The following CLCN5 variants were observed in gnomAD, a reference collection of about 807,000 sequenced individuals.
CLCN5 encodes the protein H(+)/Cl(-) exchange transporter 5.
A neutral mutation model predicts 54.0 loss-of-function variants in CLCN5; 17 were observed. The ratio of observed to expected loss-of-function variants is 0.31; its 90% CI spans 0.22 to 0.47. The LOEUF is 0.47. Among genes scored for constraint, CLCN5 ranks in the 20% least tolerant of loss-of-function variants. CLCN5 has a pLI of 1.00. For missense variants in CLCN5, 448 were observed against 646.7 expected, an observed-to-expected ratio of 0.69 and a Z score of 3.33; for synonymous variants, 222 against 233.0, an observed-to-expected ratio of 0.95 and a Z score of 0.43.
At chrX:50,081,076 A>G (rs782353055) in intron 8 of CLCN5, among the ~76,000 whole-genome samples, 7 of 111,780 alleles carry the variant, frequency 6.3e-5, no homozygotes, top group Middle Eastern at 4.2e-3. Flanking sequence ...CTTTCCCACA[A>G]TATGATTTAG....
chrX:49,972,158 T>TAC (rs1200017997), intron 3 of CLCN5, among the ~76,000 whole-genome samples: 1 of 103,516 alleles, frequency 9.7e-6, no homozygotes, highest in Non-Finnish European at 2.0e-5. Flanking sequence ...TGTGTGTGTG[T>TAC]GTACATATTT....
intron 3 of CLCN5, among the ~76,000 whole-genome samples, chrX:50,039,779 G>A (rs998541579): frequency 9.1e-6 from 1 of 109,532 alleles, no homozygotes; most frequent in African/African-American, 3.3e-5. Flanking sequence ...TGCAACCTCC[G>A]CCTCCCGGTT....
intron 3 of CLCN5, among the ~76,000 whole-genome samples, chrX:49,986,461 G>A (rs1011053759): frequency 9.0e-6 from 1 of 111,496 alleles, no homozygotes; most frequent in Non-Finnish European, 1.9e-5. Flanking sequence ...TTTTAAAAAC[G>A]CCTACATGAA....
At chrX:50,032,059 T>G (rs1401896651) in intron 3 of CLCN5, among the ~76,000 whole-genome samples, 1 of 110,404 alleles carries the variant, frequency 9.1e-6, no homozygotes, top group Non-Finnish European at 1.9e-5. Context: ...TCATCATTTT[T>G]TATGGCTGCA....
chrX:50,025,344 C>T (rs1013225521), intron 3 of CLCN5, among the ~76,000 whole-genome samples: 22 of 81,516 alleles, frequency 2.7e-4, no homozygotes, highest in African/African-American at 8.4e-4. Context: ...GGCTCGCGCA[C>T]GGTGCGCGCA....
chrX:50,006,338 G>A (rs1181046662), intron 3 of CLCN5, among the ~76,000 whole-genome samples: 7 of 112,065 alleles, frequency 6.2e-5, no homozygotes, highest in Non-Finnish European at 1.1e-4. Flanking sequence ...TGTAGCATCC[G>A]CATGCAAGTG....
chrX:50,046,178 CAG>C (rs1264287021), intron 4 of CLCN5, among the ~76,000 whole-genome samples: 3 of 112,252 alleles, frequency 2.7e-5, no homozygotes, highest in African/African-American at 6.5e-5. Flanking sequence ...GTTTGAGTAA[CAG>C]AAAAACACGG....
chrX:50,070,218 CT>C (rs1933175328), intron 5 of CLCN5, among the ~76,000 whole-genome samples, 188 bp downstream of exon 5: 2 of 112,119 alleles, frequency 1.8e-5, no homozygotes, highest in Admixed American at 1.9e-4. Context: ...TTTTATTATA[CT>C]TTAAGTTCTA....
At chrX:50,059,105 AC>A (rs1932811003) in intron 4 of CLCN5, among the ~76,000 whole-genome samples, 1 of 112,178 alleles carries the variant, frequency 8.9e-6, no homozygotes, top group Admixed American at 9.5e-5. Context: ...AAGAAAAGAA[AC>A]CAGCTAGATG....
At chrX:49,958,064 G>C (rs1927419148) in intron 3 of CLCN5, among the ~76,000 whole-genome samples, 1 of 111,253 alleles carries the variant, frequency 9.0e-6, no homozygotes, top group Non-Finnish European at 1.9e-5. Flanking sequence ...CTATGATCAA[G>C]AGACTTTACT....
chrX:49,944,230 C>T (rs1926556717), intron 3 of CLCN5, among the ~76,000 whole-genome samples: 1 of 111,605 alleles, frequency 9.0e-6, no homozygotes, highest in Non-Finnish European at 1.9e-5. Context: ...TATAAGAATG[C>T]TTGTGATTTT....
chrX:50,069,540 T>TC, intron 4 of CLCN5: 1 of 780,682 alleles, frequency 1.3e-6, no homozygotes, highest in Non-Finnish European at 1.5e-6. Flanking sequence ...CCCTTTTGTC[T>TC]CCCTTCCATA....
rs147229468 is a variant in CLCN5, at chrX:49,970,631, A to G, written c.16+45317A>G. Among the ~76,000 whole-genome samples, 9 of 112,369 alleles carry G rather than the reference A, an allele frequency of 8.0e-5. No homozygotes were observed. The East Asian group carries it at 1.9e-3, about 24-fold the overall frequency. ...GAATAATATTCCTCTGTGTGGATAT[A>G]TGCTACATTTAAGAAAATCCATTCA... On this transcript the variant is annotated intron_variant, in intron 3 of 14. Coordinates refer to ENST00000376091, the MANE Select transcript of CLCN5 (RefSeq NM_001127898.4).
chrX:49,962,197 T>C (rs1927626465), intron 3 of CLCN5, among the ~76,000 whole-genome samples: 1 of 112,193 alleles, frequency 8.9e-6, no homozygotes, highest in South Asian at 3.7e-4. Context: ...GTCTATTTTA[T>C]TGAAAGAGTC....
At chrX:50,025,413 A>G (rs1189695354) in intron 3 of CLCN5, among the ~76,000 whole-genome samples, 3 of 98,375 alleles carry the variant, frequency 3.0e-5, no homozygotes, top group Non-Finnish European at 2.0e-5. Context: ...GGTACCTCAG[A>G]TGGAAATGCA....
chrX:49,940,565 G>C (rs62592045), intron 3 of CLCN5, among the ~76,000 whole-genome samples: 1 of 112,175 alleles, frequency 8.9e-6, no homozygotes, highest in Non-Finnish European at 1.9e-5. Flanking sequence ...TTGGAAGGAC[G>C]GTATCTGCTT....
chrX:50,014,676 G>T, intron 3 of CLCN5: 2 of 339,144 alleles, frequency 5.9e-6, no homozygotes, highest in East Asian at 9.6e-5. Flanking sequence ...ATTCAGAGAG[G>T]GGGAGCTCAA....
intron 3 of CLCN5, among the ~76,000 whole-genome samples, chrX:50,010,228 C>A (rs1930430471): frequency 9.8e-6 from 1 of 102,528 alleles, no homozygotes; most frequent in Admixed American, 1.1e-4. Context: ...CCTTTCCTTT[C>A]TTTTCTTCTC....
At chrX:50,070,464 A>G (rs1211161446) in intron 5 of CLCN5, among the ~76,000 whole-genome samples, 1 of 112,158 alleles carries the variant, frequency 8.9e-6, no homozygotes, top group Non-Finnish European at 1.9e-5. Flanking sequence ...CCTTTCCCAT[A>G]TAATCTCTCT....
Sources: allele counts gnomAD v4.1 joint callset (sites outside exome capture counted in the v4.1 genomes callset), GRCh38; gene constraint gnomAD v4.1.1; transcripts MANE v1.5; gene names NCBI Gene and HGNC (gene_info 2026-07-23, HGNC 2026-07-21).